ARMH3: variants seen among roughly 807,000 people sequenced by gnomAD.
ARMH3 encodes the protein armadillo like helical domain containing 3.
ARMH3 carries 60 observed loss-of-function variants against 99.1 expected under a neutral mutation model. The observed-to-expected ratio is 0.61, with a 90% CI of 0.49 to 0.75. The LOEUF is 0.75. Among genes scored for constraint, ARMH3 ranks in the 30% least tolerant of loss-of-function variants. ARMH3 has a pLI of 0.00. For missense variants in ARMH3, 679 were observed against 843.1 expected (o/e 0.81, Z 2.41); for synonymous variants, 285 against 292.8 (o/e 0.97, Z 0.27).
intron 23 of ARMH3, among the ~76,000 whole-genome samples, chr10:101,902,767 G>A (rs968587383): frequency 2.0e-5 from 3 of 152,092 alleles, no homozygotes; most frequent in Non-Finnish European, 4.4e-5. Context: ...CCCAGGAGAG[G>A]ACTTAATGGG....
At chr10:101,958,518 T>C (rs964220997) in intron 20 of ARMH3, among the ~76,000 whole-genome samples, 15 of 152,194 alleles carry the variant, frequency 9.9e-5, no homozygotes, top group Non-Finnish European at 2.2e-4. Context: ...TAGCACATTT[T>C]GTCCATGAAA....
intron 22 of ARMH3, among the ~76,000 whole-genome samples, chr10:101,955,285 T>C (rs1215539323): frequency 6.6e-6 from 1 of 152,216 alleles, no homozygotes; most frequent in African/African-American, 2.4e-5. Context: ...AGAGGAGATA[T>C]TTTAAAAACC....
chr10:102,047,875 A>G (rs893501463), intron 1 of ARMH3, among the ~76,000 whole-genome samples: 2 of 152,152 alleles, frequency 1.3e-5, no homozygotes, highest in African/African-American at 4.8e-5. Flanking sequence ...CAATGTCTGG[A>G]GACATTTTTG....
chr10:102,001,534 A>G (rs930173913), intron 15 of ARMH3, among the ~76,000 whole-genome samples: 2 of 152,202 alleles, frequency 1.3e-5, no homozygotes, highest in African/African-American at 4.8e-5. Context: ...GTGTTCAAGA[A>G]CAGAGTCCCT....
chr10:101,859,012 T>C (rs1412846648), intron 24 of ARMH3, among the ~76,000 whole-genome samples: 3 of 152,232 alleles, frequency 2.0e-5, no homozygotes, highest in Non-Finnish European at 4.4e-5. Flanking sequence ...CAGCATTCTT[T>C]GACAGGCTTC....
chr10:101,884,016 G>A lies in ARMH3; in HGVS notation c.1860+5396C>T, dbSNP rs373031514. 4.5e-4 allele frequency among the ~76,000 whole-genome samples: 68 copies of A among 150,260 alleles called. 1 individual carries two copies. The highest frequency in any genetic ancestry group is 1.6e-3 in the African/African-American group (64 of 40,664). On this transcript the variant is annotated intron_variant, in intron 24 of 25. Transcript: ENST00000370033. ...CACACACACACACACACACACACCC[G>A]CCAAGCAAACAAAAAGAAAATTAGG...
chr10:101,989,716 G>A lies in ARMH3; in HGVS notation c.1406+835C>T, dbSNP rs181491025. Among the ~76,000 whole-genome samples the A allele has an allele frequency of 7.0e-4, 107 of 152,238 alleles. 2 individuals carry two copies. The East Asian group carries it at 0.015, about 22-fold the overall frequency. Reference sequence around the variant, plus strand: ...AGCCTAGGCAACAGAGTGAGACTCCGTCTCAAAACAAAAACAAAAACAAAA... The same window carrying A: ...AGCCTAGGCAACAGAGTGAGACTCCATCTCAAAACAAAAACAAAAACAAAA... On this transcript the variant is annotated intron_variant, in intron 19 of 25. Coordinates refer to ENST00000370033, the MANE Select transcript of ARMH3 (RefSeq NM_024541.3).
chr10:101,898,696 A>G (rs186294726), intron 23 of ARMH3, among the ~76,000 whole-genome samples: 6 of 152,362 alleles, frequency 3.9e-5, no homozygotes, highest in African/African-American at 1.2e-4. Flanking sequence ...GCGCACACAC[A>G]CACACACATA....
chr10:101,972,140 C>A (rs2135905477), intron 20 of ARMH3, among the ~76,000 whole-genome samples: 1 of 152,252 alleles, frequency 6.6e-6, no homozygotes, highest in Middle Eastern at 3.4e-3. Context: ...GATTGAACCC[C>A]CAACTAATAC....
chr10:101,992,186 A>G (rs1410049099), intron 17 of ARMH3, 148 bp from the exon 18 acceptor site: 2 of 714,136 alleles, frequency 2.8e-6, no homozygotes, highest in African/African-American at 3.5e-5. Context: ...GAGAGGAATG[A>G]GGTAGCATGG....
chr10:101,990,383 C>T (rs528344787), intron 19 of ARMH3, among the ~76,000 whole-genome samples, 168 bp downstream of exon 19: 19 of 152,144 alleles, frequency 1.2e-4, no homozygotes, highest in Admixed American at 8.5e-4. Flanking sequence ...CGGGGTTTCA[C>T]CGTGGTCTCG....
At chr10:102,010,056 G>A in intron 11 of ARMH3, 33 bp from the exon 12 acceptor site, 1 of 1,603,776 alleles carries the variant, frequency 6.2e-7, no homozygotes, top group Non-Finnish European at 8.5e-7. Context: ...CAAACTTATA[G>A]CAGGAGGATA....
At chr10:102,026,674 A>G (rs930759901) in intron 5 of ARMH3, among the ~76,000 whole-genome samples, 4 of 152,226 alleles carry the variant, frequency 2.6e-5, no homozygotes, top group Admixed American at 2.0e-4. Flanking sequence ...AGCCTGGGGA[A>G]GTAAATATGG....
chr10:101,872,332 G>A (rs562533340), intron 24 of ARMH3, among the ~76,000 whole-genome samples: 1 of 151,356 alleles, frequency 6.6e-6, no homozygotes, highest in South Asian at 2.1e-4. Flanking sequence ...AAGAAAAGAA[G>A]AACAACCAAA....
At chr10:101,923,749 T>A (rs959044540) in intron 23 of ARMH3, among the ~76,000 whole-genome samples, 32 of 152,344 alleles carry the variant, frequency 2.1e-4, no homozygotes, top group African/African-American at 7.0e-4. Context: ...AAATGGTGAA[T>A]CCCTCTGTTG....
intron 22 of ARMH3, among the ~76,000 whole-genome samples, chr10:101,954,153 T>C (rs982917974): frequency 5.3e-5 from 8 of 152,048 alleles, no homozygotes; most frequent in Non-Finnish European, 1.0e-4. Context: ...AATTGTGCCA[T>C]TGCACTCCAC....
chr10:102,038,738 C>CTTTTTTTTTTTTTTTTTT (rs796331900), intron 2 of ARMH3, among the ~76,000 whole-genome samples: 1 of 145,308 alleles, frequency 6.9e-6, no homozygotes. Context: ...AATATATGGT[C>CTTTTTTTTTTTTTTTTTT]TTTTTTTTTT....
intron 20 of ARMH3, among the ~76,000 whole-genome samples, chr10:101,969,028 A>G (rs901909793): frequency 6.6e-6 from 1 of 152,220 alleles, no homozygotes; most frequent in Non-Finnish European, 1.5e-5. Context: ...ATCTTGTGAC[A>G]TATTTGCCTA....
In ARMH3 at chr10:102,038,064, A is replaced by G. The variant is rs2067318672; in HGVS notation, c.102+1949T>C. On this transcript the variant is annotated intron_variant, in intron 2 of 25. Coordinates refer to ENST00000370033, the MANE Select transcript of ARMH3 (RefSeq NM_024541.3). ...CACTCAAGCAGGAGTTGTATACACCAAGCTTGCGTAAAAAAGAAAGAATCC... is the reference window on the plus strand; with the variant it reads ...CACTCAAGCAGGAGTTGTATACACCGAGCTTGCGTAAAAAAGAAAGAATCC... 1.3e-5 allele frequency among the ~76,000 whole-genome samples: 2 copies of G among 150,416 alleles called. 1 individual carries two copies. The highest frequency in any genetic ancestry group is 4.2e-4 in the South Asian group (2 of 4,718).
Sources: gnomAD v4.1 joint callset for allele counts (sites outside exome capture counted in the v4.1 genomes callset) on GRCh38, gnomAD v4.1.1 for gene constraint, MANE v1.5 for transcripts, NCBI Gene and HGNC (gene_info 2026-07-23, HGNC 2026-07-21) for gene names.